Variants in CAMK1D observed in about 807,000 individuals in gnomAD.
The protein encoded by CAMK1D is calcium/calmodulin dependent protein kinase ID.
A neutral mutation model predicts 47.7 loss-of-function variants in CAMK1D; 9 were observed. That is an observed-to-expected ratio of 0.19 (90% CI 0.11 to 0.33). CAMK1D has a LOEUF of 0.33. Ranked by LOEUF, CAMK1D falls within the 10% of genes least tolerant of loss-of-function variation. The pLI is 1.00. For synonymous variants in CAMK1D, 184 were observed against 184.9 expected, an observed-to-expected ratio of 0.99 and a Z score of 0.04; for missense variants, 291 against 488.7, an observed-to-expected ratio of 0.60 and a Z score of 3.81.
At position 12,397,193 on chromosome 10, in the gene CAMK1D, A is replaced by G. The variant is rs116475122; in HGVS notation, c.92+47283A>G. Among the ~76,000 whole-genome samples, 322 of 152,246 alleles carry G rather than the reference A, an allele frequency of 2.1e-3. 4 individuals are homozygous for G. The highest frequency in any genetic ancestry group is 7.4e-3 in the African/African-American group (309 of 41,542). On this transcript the variant is annotated intron_variant, in intron 1 of 10. Transcript: ENST00000619168. ...AAGATTATTTTTGGATCTCGTCTCA[A>G]TGGTTTATTTCCATCATGTGCCTGT...
chr10:12,819,364 G>GGAGA (rs1219658879), intron 8 of CAMK1D, among the ~76,000 whole-genome samples: 3 of 152,226 alleles, frequency 2.0e-5, no homozygotes, highest in African/African-American at 7.2e-5. Flanking sequence ...TTCCAGAGTA[G>GGAGA]GAGAGGACGC....
chr10:12,534,244 C>G (rs1835899209), intron 1 of CAMK1D, among the ~76,000 whole-genome samples: 1 of 152,238 alleles, frequency 6.6e-6, no homozygotes, highest in Admixed American at 6.5e-5. Flanking sequence ...GAGTCTCGCT[C>G]TGTCACCCAG....
intron 1 of CAMK1D, among the ~76,000 whole-genome samples, chr10:12,413,763 T>C (rs1012492359): frequency 6.6e-6 from 1 of 152,178 alleles, no homozygotes; most frequent in African/African-American, 2.4e-5. Context: ...ACCAAAACTT[T>C]GCCATTGTTT....
At chr10:12,458,101 T>C (rs1280013303) in intron 1 of CAMK1D, among the ~76,000 whole-genome samples, 1 of 152,098 alleles carries the variant, frequency 6.6e-6, no homozygotes, top group African/African-American at 2.4e-5. Flanking sequence ...ACTGCATTTC[T>C]TAGCTCAGAA....
At chr10:12,604,571 T>A (rs772277297) in intron 2 of CAMK1D, among the ~76,000 whole-genome samples, 1 of 152,222 alleles carries the variant, frequency 6.6e-6, no homozygotes, top group African/African-American at 2.4e-5. Context: ...TGAGGGCCAC[T>A]TTTAATTATC....
chr10:12,629,309 C>A (rs146712813), intron 2 of CAMK1D, among the ~76,000 whole-genome samples: 4 of 152,160 alleles, frequency 2.6e-5, no homozygotes, highest in African/African-American at 9.7e-5. Flanking sequence ...TTTAGCCTTA[C>A]CTTTTGGTTT....
At chr10:12,524,124 C>T (rs1027296074) in intron 1 of CAMK1D, among the ~76,000 whole-genome samples, 1 of 151,482 alleles carries the variant, frequency 6.6e-6, no homozygotes, top group Non-Finnish European at 1.5e-5. Flanking sequence ...GATCTCCTGA[C>T]ATCGTAATTT....
chr10:12,524,579 TACCTGTG>T (rs1419459278), intron 1 of CAMK1D, among the ~76,000 whole-genome samples: 1 of 151,814 alleles, frequency 6.6e-6, no homozygotes, highest in Non-Finnish European at 1.5e-5. Flanking sequence ...TGATGGCGGG[TACCTGTG>T]GTCCCAGCTA....
At chr10:12,397,984 C>T (rs1384465571) in intron 1 of CAMK1D, among the ~76,000 whole-genome samples, 1 of 152,152 alleles carries the variant, frequency 6.6e-6, no homozygotes, top group African/African-American at 2.4e-5. Flanking sequence ...CCGTCTACCC[C>T]CTCCCACACT....
At chr10:12,798,303 C>G (rs922885961) in intron 6 of CAMK1D, among the ~76,000 whole-genome samples, 1 of 152,246 alleles carries the variant, frequency 6.6e-6, no homozygotes, top group South Asian at 2.1e-4. Flanking sequence ...TCACTTAACT[C>G]ACTTTTATCG....
intron 6 of CAMK1D, among the ~76,000 whole-genome samples, chr10:12,809,095 CAACAGAGTG>C (rs1301736948): frequency 2.0e-5 from 3 of 148,238 alleles, no homozygotes; most frequent in Non-Finnish European, 4.4e-5. Context: ...CTAGCCTGGG[CAACAGAGTG>C]AAACTCTGTC....
At position 12,349,923 on chromosome 10, in the gene CAMK1D, C is replaced by T. The variant is rs539613946; in HGVS notation, c.92+13C>T. The T allele has an allele frequency of 1.6e-4, 247 of 1,513,186 alleles. 1 individual carries two copies. In the South Asian group the frequency reaches 2.7e-3, roughly 16 times the overall value. The allele number at this position is 1,513,186 out of a possible 1,614,324, so 93.7% of individuals were successfully genotyped here. A position where few individuals can be genotyped will look rare whatever the true frequency, so the allele number is the denominator to read the frequency against. On this transcript the variant is annotated intron_variant, in intron 1 of 10. Transcript: ENST00000619168. Reference sequence around the variant, plus strand: ...AGACCCTCGGAACGTAAGTGGGGACCGGGGAGGCGAGGGTGGAGGTGGCCG... The same window carrying T: ...AGACCCTCGGAACGTAAGTGGGGACTGGGGAGGCGAGGGTGGAGGTGGCCG...
intron 1 of CAMK1D, among the ~76,000 whole-genome samples, chr10:12,505,909 A>G (rs1386361908): frequency 2.0e-5 from 3 of 152,038 alleles, no homozygotes; most frequent in East Asian, 1.9e-4. Context: ...CGCACATCAC[A>G]TGTCAATGGA....
intron 3 of CAMK1D, among the ~76,000 whole-genome samples, chr10:12,693,993 A>G (rs1301562102): frequency 2.7e-5 from 2 of 73,966 alleles, no homozygotes; most frequent in African/African-American, 5.2e-5. Context: ...ATATATACAT[A>G]TAATATATAT....
intron 1 of CAMK1D, among the ~76,000 whole-genome samples, chr10:12,406,775 G>C (rs1839445496): frequency 7.5e-6 from 1 of 133,570 alleles, no homozygotes; most frequent in African/African-American, 2.8e-5. Context: ...ACTCTGTAAA[G>C]TCATGCGTCC....
At chr10:12,781,649 C>CT (rs145484733) in intron 5 of CAMK1D, among the ~76,000 whole-genome samples, 119 of 137,160 alleles carry the variant, frequency 8.7e-4, no homozygotes, top group African/African-American at 3.2e-3. Context: ...TTTGGCGATA[C>CT]TTTTTTTTTT....
chr10:12,559,549 G>A lies in CAMK1D; in HGVS notation c.224+6193G>A, dbSNP rs556165180. Among the ~76,000 whole-genome samples the A allele has an allele frequency of 3.9e-5, 6 of 152,248 alleles. No homozygotes were observed. The South Asian group carries it at 1.0e-3, about 26-fold the overall frequency. On this transcript the variant is annotated intron_variant, in intron 2 of 10. Transcript: ENST00000619168. ...TGGGCAGATGTGTACAGATGTGTCC[G>A]CAGGCAGAAACACAAGCCAGGCAAT...
At chr10:12,438,429 C>T (rs932141742) in intron 1 of CAMK1D, among the ~76,000 whole-genome samples, 9 of 152,132 alleles carry the variant, frequency 5.9e-5, no homozygotes, top group African/African-American at 9.7e-5. Flanking sequence ...AGGTATAATC[C>T]CCCATGACAT....
At chr10:12,363,932 G>C (rs1837758671) in intron 1 of CAMK1D, among the ~76,000 whole-genome samples, 1 of 152,134 alleles carries the variant, frequency 6.6e-6, no homozygotes, top group Non-Finnish European at 1.5e-5. Context: ...TACAATGTCT[G>C]AGCCCGTGCC....
Sources: allele counts gnomAD v4.1 joint callset (sites outside exome capture counted in the v4.1 genomes callset), GRCh38; gene constraint gnomAD v4.1.1; transcripts MANE v1.5; gene names NCBI Gene and HGNC (gene_info 2026-07-23, HGNC 2026-07-21).